C8orf34: variants seen among roughly 807,000 people sequenced by gnomAD.
C8orf34 encodes the protein uncharacterized protein C8orf34.
Under a neutral mutation model 68.3 loss-of-function variants are expected in C8orf34, and 65 were observed. That is an observed-to-expected ratio of 0.95 (90% confidence interval 0.78 to 1.17). C8orf34 has a LOEUF of 1.17. Ranked by LOEUF, C8orf34 falls within the 50% of genes most tolerant of loss-of-function variation. The pLI is 0.00. For synonymous variants in C8orf34, 244 were observed against 241.2 expected (o/e 1.01, Z -0.11); for missense variants, 664 against 655.4 (o/e 1.01, Z -0.14).
intron 1 of C8orf34, among the ~76,000 whole-genome samples, chr8:68,337,173 A>C (rs965860323): frequency 1.3e-5 from 2 of 152,234 alleles, no homozygotes; most frequent in Non-Finnish European, 2.9e-5. Context: ...ATAATCTCTA[A>C]GTATCTTCCT....
chr8:68,460,161 C>A (rs535571427), intron 3 of C8orf34, among the ~76,000 whole-genome samples: 1 of 152,286 alleles, frequency 6.6e-6, no homozygotes, highest in African/African-American at 2.4e-5. Flanking sequence ...CTCGGAGGGT[C>A]CTACACCCAC....
intron 6 of C8orf34, among the ~76,000 whole-genome samples, chr8:68,532,136 G>A (rs1208021494): frequency 2.6e-5 from 4 of 152,130 alleles, no homozygotes; most frequent in Non-Finnish European, 2.9e-5. Flanking sequence ...CTACCTCAGC[G>A]GCAAGAAAGA....
intron 10 of C8orf34, among the ~76,000 whole-genome samples, chr8:68,755,904 CA>C (rs11295724): frequency 0.19 from 27,362 of 141,904 alleles, 3,187 homozygotes; most frequent in African/African-American, 0.34. Flanking sequence ...ACTAAAAATA[CA>C]AAAAAAAAAA....
At chr8:68,482,751 A>C (rs1488222496) in intron 4 of C8orf34, among the ~76,000 whole-genome samples, 1 of 152,202 alleles carries the variant, frequency 6.6e-6, no homozygotes, top group African/African-American at 2.4e-5. Flanking sequence ...CATGATGTAA[A>C]TATTCCCACT....
intron 8 of C8orf34, among the ~76,000 whole-genome samples, chr8:68,676,464 C>A (rs10087916): frequency 0.15 from 22,162 of 152,144 alleles, 1,737 homozygotes; most frequent in Middle Eastern, 0.23. Context: ...CAGCATTGCA[C>A]AGATCATTCA....
intron 10 of C8orf34, 74 bp from the exon 11 acceptor site, chr8:68,776,325 A>G: frequency 2.7e-6 from 3 of 1,120,732 alleles, no homozygotes; most frequent in Non-Finnish European, 4.1e-6. Context: ...CTCAGATCCC[A>G]CTCTCCACGA....
chr8:68,718,303 C>G (rs1821535755), intron 9 of C8orf34, among the ~76,000 whole-genome samples: 1 of 152,092 alleles, frequency 6.6e-6, no homozygotes, highest in African/African-American at 2.4e-5. Flanking sequence ...TAAATTTTAT[C>G]AAAATAACTC....
intron 8 of C8orf34, among the ~76,000 whole-genome samples, chr8:68,702,123 G>A (rs1311211395): frequency 2.0e-5 from 3 of 151,876 alleles, no homozygotes; most frequent in Admixed American, 2.0e-4. Context: ...TCTCCAGTCG[G>A]CATAATGTAA....
chr8:68,723,674 T>G (rs1821747433), intron 10 of C8orf34, among the ~76,000 whole-genome samples: 1 of 152,142 alleles, frequency 6.6e-6, no homozygotes, highest in Non-Finnish European at 1.5e-5. Flanking sequence ...CAGCTGTGAA[T>G]TCCACAAAGT....
intron 7 of C8orf34, among the ~76,000 whole-genome samples, chr8:68,614,669 C>T (rs1818139549): frequency 6.6e-6 from 1 of 152,082 alleles, no homozygotes; most frequent in Non-Finnish European, 1.5e-5. Flanking sequence ...TGTACCAGTA[C>T]CATGCTGTTT....
Position 68,556,272 on chromosome 8 carries a change from C to T in C8orf34, c.1105+23123C>T, listed in dbSNP as rs145473753. On this transcript the variant is annotated intron_variant, in intron 7 of 13. Transcript: ENST00000518698. ...ACTATCTATAGTTAAATTTGGGGAG[C>T]AGTATTAAGGAAGGAGGGAATCTTT... Among the ~76,000 whole-genome samples the T allele has an allele frequency of 7.5e-4, 106 of 141,380 alleles. 1 individual carries two copies. The highest frequency in any genetic ancestry group is 2.6e-3 in the African/African-American group (99 of 37,804). The allele number at this position is 141,380 out of a possible 152,430, so 92.8% of individuals were successfully genotyped here.
At chr8:68,721,524 C>T (rs1821677834) in intron 10 of C8orf34, 87 bp downstream of exon 10, 5 of 899,874 alleles carry the variant, frequency 5.6e-6, no homozygotes, top group Non-Finnish European at 8.6e-6. Flanking sequence ...TATAATAAAG[C>T]CAGCTTTCTT....
intron 12 of C8orf34, among the ~76,000 whole-genome samples, chr8:68,811,810 A>G (rs1563683110): frequency 6.6e-6 from 1 of 152,216 alleles, no homozygotes; most frequent in Non-Finnish European, 1.5e-5. Flanking sequence ...AATGTATTGT[A>G]TGGGTATTAT....
intron 10 of C8orf34, among the ~76,000 whole-genome samples, chr8:68,760,660 G>GT (rs369035694): frequency 1.2e-3 from 184 of 152,022 alleles, no homozygotes; most frequent in Non-Finnish European, 2.1e-3. Flanking sequence ...CTCACAGTAG[G>GT]TTTTTTTTCC....
At chr8:68,763,420 CA>C (rs1823077047) in intron 10 of C8orf34, among the ~76,000 whole-genome samples, 1 of 152,170 alleles carries the variant, frequency 6.6e-6, no homozygotes, top group Admixed American at 6.5e-5. Flanking sequence ...TTGTGGTAGG[CA>C]ATTCAACTGG....
At chr8:68,672,597 C>T (rs1190492503) in intron 8 of C8orf34, among the ~76,000 whole-genome samples, 1 of 152,164 alleles carries the variant, frequency 6.6e-6, no homozygotes, top group African/African-American at 2.4e-5. Flanking sequence ...AGGGAAATCA[C>T]TCATACCAGC....
chr8:68,597,169 G>A (rs574206567), intron 7 of C8orf34, among the ~76,000 whole-genome samples: 7 of 152,072 alleles, frequency 4.6e-5, no homozygotes, highest in East Asian at 3.9e-4. Context: ...GATGTCAGAC[G>A]AATCTCCTCT....
intron 7 of C8orf34, among the ~76,000 whole-genome samples, chr8:68,585,142 T>A (rs1817170895): frequency 6.6e-6 from 1 of 152,186 alleles, no homozygotes; most frequent in African/African-American, 2.4e-5. Flanking sequence ...AGAAGTGAAC[T>A]TTGATTGCCC....
In C8orf34 at chr8:68,694,054, A is replaced by G. The variant is rs1820759296; in HGVS notation, c.1242-14940A>G. Among the ~76,000 whole-genome samples the G allele has an allele frequency of 2.0e-5, 3 of 152,124 alleles. No homozygotes were observed. The South Asian group carries it at 6.2e-4, about 31-fold the overall frequency. On this transcript the variant is annotated intron_variant, in intron 8 of 13. Coordinates refer to ENST00000518698, the MANE Select transcript of C8orf34 (RefSeq NM_052958.4). ...CTTATTTGCTACGTGGATGCTCCGA[A>G]AAATATAACTTTTATAAGGCCCTTT...
Sources: allele counts gnomAD v4.1 joint callset (sites outside exome capture counted in the v4.1 genomes callset), GRCh38; gene constraint gnomAD v4.1.1; transcripts MANE v1.5; gene names NCBI Gene and HGNC (gene_info 2026-07-23, HGNC 2026-07-21).